HPD: variants seen among roughly 807,000 people sequenced by gnomAD.
The protein encoded by HPD is 4-hydroxyphenylpyruvate dioxygenase.
A neutral mutation model predicts 56.9 loss-of-function variants in HPD; 35 were observed. That is an observed-to-expected ratio of 0.62 (90% CI 0.47 to 0.82). The LOEUF is 0.82. Ranked by LOEUF, HPD falls within the 40% of genes least tolerant of loss-of-function variation. The pLI is 0.00. For missense variants in HPD, 442 were observed against 506.8 expected (o/e 0.87, Z 1.23); for synonymous variants, 186 against 200.2 (o/e 0.93, Z 0.60).
intron 11 of HPD, among the ~76,000 whole-genome samples, chr12:121,844,998 C>G (rs192565722): frequency 0.018 from 2,642 of 145,092 alleles, 137 homozygotes; most frequent in African/African-American, 0.068. Flanking sequence ...GCAGGAGAAT[C>G]GCTTGAACCC....
chr12:121,854,679 G>A (rs759554947), intron 7 of HPD, 24 bp downstream of exon 7: 3 of 1,544,256 alleles, frequency 1.9e-6, no homozygotes, highest in Non-Finnish European at 1.8e-6. Flanking sequence ...AGCAGGAGGG[G>A]TGGGGGCACC....
chr12:121,844,488 C>T (rs932517662), intron 11 of HPD, among the ~76,000 whole-genome samples: 3 of 151,894 alleles, frequency 2.0e-5, no homozygotes, highest in Non-Finnish European at 4.4e-5. Flanking sequence ...TGGCTCACGC[C>T]TGTAAGCCCA....
At chr12:121,879,459 T>TCTTTC in the HPD span, among the ~76,000 whole-genome samples, 1 of 141,084 alleles carries the variant, frequency 7.1e-6, no homozygotes, top group Non-Finnish European at 1.5e-5. Context: ...ACTACTCTTT[T>TCTTTC]CTTTTCTTTC....
At chr12:121,874,783 C>T in the HPD span, among the ~76,000 whole-genome samples, 11 of 148,720 alleles carry the variant, frequency 7.4e-5, no homozygotes, top group East Asian at 4.0e-4. Flanking sequence ...TTTTTTGAGA[C>T]GTAGTTTCGC....
At chr12:121,882,993 G>T in the HPD span, among the ~76,000 whole-genome samples, 1 of 152,108 alleles carries the variant, frequency 6.6e-6, no homozygotes, top group Non-Finnish European at 1.5e-5. Context: ...CTCCCAAAGT[G>T]CTGGGATTAC....
chr12:121,874,768 T>C, the HPD span, among the ~76,000 whole-genome samples: 2 of 150,500 alleles, frequency 1.3e-5, no homozygotes, highest in African/African-American at 4.9e-5. Context: ...TCACTTTCTT[T>C]TTTTTTTTTT....
chr12:121,849,921 G>A, intron 7 of HPD, 131 bp from the exon 8 acceptor site: 2 of 695,754 alleles, frequency 2.9e-6, no homozygotes, highest in Non-Finnish European at 5.3e-6. Context: ...GTGATCTTGG[G>A]TAAGTCACTT....
intron 8 of HPD, 47 bp from the exon 9 acceptor site, chr12:121,849,123 T>C (rs1877680233): frequency 8.2e-7 from 1 of 1,220,276 alleles, no homozygotes; most frequent in East Asian, 2.3e-5. Flanking sequence ...ACCCCCCAGA[T>C]TGCTCCCTTC....
the HPD span, among the ~76,000 whole-genome samples, chr12:121,872,111 G>C: frequency 6.7e-6 from 1 of 150,234 alleles, no homozygotes; most frequent in Non-Finnish European, 1.5e-5. Flanking sequence ...GTGGTGGTGG[G>C]CACCTGTAAT....
Position 121,846,860 on chromosome 12 carries a change from AC to A in HPD, c.831+1del. On this transcript the variant is annotated splice_donor_variant, in intron 11 of 13. Transcript: ENST00000289004. LOFTEE classifies it high-confidence loss of function. ...AATTCGGACAGGGAAGGGGGTTCTA[AC>A]CGCTGTGATGATGTCTTCGGTCTTG... The A allele has an allele frequency of 6.2e-7, 1 of 1,613,892 alleles. No individual in the cohort carries two copies. The highest frequency in any genetic ancestry group is 1.1e-5 in the South Asian group (1 of 91,074).
chr12:121,861,003 C>T (rs1878158853), upstream of HPD, among the ~76,000 whole-genome samples: 1 of 152,104 alleles, frequency 6.6e-6, no homozygotes, highest in Admixed American at 6.6e-5. Context: ...TGTTCGAGAC[C>T]AGCCTGGCCA....
the HPD span, among the ~76,000 whole-genome samples, chr12:121,888,551 C>T: frequency 6.6e-6 from 1 of 152,210 alleles, no homozygotes; most frequent in Non-Finnish European, 1.5e-5. Flanking sequence ...GTCTGCTGCA[C>T]GAATGAGAAA....
chr12:121,873,396 ACT>A, the HPD span, among the ~76,000 whole-genome samples: 2 of 151,790 alleles, frequency 1.3e-5, no homozygotes, highest in Admixed American at 1.3e-4. Flanking sequence ...AATGGGGGTG[ACT>A]CTGACCAGTG....
chr12:121,855,972 C>CAA (rs57671436), intron 6 of HPD, among the ~76,000 whole-genome samples: 37,435 of 66,812 alleles, frequency 0.56, 9,252 homozygotes, highest in Middle Eastern at 0.65. Context: ...CTCCGTCTCA[C>CAA]AAAAAAAAAA....
At chr12:121,871,572 G>C in the HPD span, among the ~76,000 whole-genome samples, 1 of 152,116 alleles carries the variant, frequency 6.6e-6, no homozygotes, top group African/African-American at 2.4e-5. Flanking sequence ...GGCTGGCCCG[G>C]GTGCCCAGCT....
chr12:121,853,169 CT>C (rs1877867572), intron 7 of HPD, among the ~76,000 whole-genome samples: 1 of 152,074 alleles, frequency 6.6e-6, no homozygotes, highest in South Asian at 2.1e-4. Context: ...ACACTAGGGC[CT>C]GTCAGGTGGG....
chr12:121,870,328 C>T, the HPD span, among the ~76,000 whole-genome samples: 1 of 151,772 alleles, frequency 6.6e-6, no homozygotes, highest in Admixed American at 6.6e-5. Flanking sequence ...CTCTCATATC[C>T]CCATTTCACA....
upstream of HPD, chr12:121,858,955 C>T (rs1878105140): frequency 9.6e-7 from 1 of 1,040,276 alleles, no homozygotes; most frequent in Non-Finnish European, 1.5e-6. Context: ...CTGAGCCCAG[C>T]CCTGGAAGGT....
chr12:121,880,994 T>C, the HPD span, among the ~76,000 whole-genome samples: 1 of 152,182 alleles, frequency 6.6e-6, no homozygotes, highest in Non-Finnish European at 1.5e-5. Flanking sequence ...GATTTCGCCA[T>C]GTTGGCCAGG....
Sources: gnomAD v4.1 joint callset for allele counts (sites outside exome capture counted in the v4.1 genomes callset) on GRCh38, gnomAD v4.1.1 for gene constraint, MANE v1.5 for transcripts, NCBI Gene and HGNC (gene_info 2026-07-23, HGNC 2026-07-21) for gene names.